Variants in BRD10 observed in about 807,000 individuals in gnomAD.
BRD10 encodes the protein uncharacterized bromodomain-containing protein 10.
At chr9:5,993,312 T>TA in the BRD10 span, among the ~76,000 whole-genome samples, 4,678 of 115,998 alleles carry the variant, frequency 0.04, 142 homozygotes, top group African/African-American at 0.058. Flanking sequence ...GAGACTCCAT[T>TA]AAAAAAAAAA....
the BRD10 span, chr9:5,968,257 T>G: frequency 1.2e-6 from 2 of 1,612,668 alleles, no homozygotes; most frequent in Non-Finnish European, 1.7e-6. Flanking sequence ...CCCTTACAAC[T>G]TTGTGGCAGT....
chr9:5,952,000 C>CTTACTTAT, the BRD10 span, among the ~76,000 whole-genome samples: 4 of 127,914 alleles, frequency 3.1e-5, no homozygotes, highest in Non-Finnish European at 5.2e-5. Context: ...CAGGAAGAGA[C>CTTACTTAT]TTATTTATTT....
chr9:5,891,293 T>C, the BRD10 span: 2 of 152,362 alleles, frequency 1.3e-5, no homozygotes, highest in East Asian at 3.9e-4. Flanking sequence ...GCCAAGGCTC[T>C]GAGTTTGAGG....
chr9:6,008,268 C>T, the BRD10 span: 1 of 983,842 alleles, frequency 1.0e-6, no homozygotes, highest in Non-Finnish European at 1.2e-6. Context: ...CACCCCCTCC[C>T]GCCCCCCTCT....
chr9:5,933,490 T>TCC, the BRD10 span, among the ~76,000 whole-genome samples: 2 of 152,216 alleles, frequency 1.3e-5, no homozygotes, highest in South Asian at 4.1e-4. Context: ...GATTGCCAGC[T>TCC]CCCTTTCCAT....
At chr9:6,007,803 G>C in the BRD10 span, 1 of 1,484,234 alleles carries the variant, frequency 6.7e-7, no homozygotes, top group Non-Finnish European at 8.9e-7. Flanking sequence ...GGCAGGCCTA[G>C]GCTGGGCGGT....
chr9:5,922,073 G>C, the BRD10 span: 2 of 1,614,020 alleles, frequency 1.2e-6, no homozygotes, highest in Non-Finnish European at 1.7e-6. Flanking sequence ...AACTGAACTT[G>C]AAGATACAGT....
the BRD10 span, chr9:5,922,752 A>C: frequency 7.4e-6 from 12 of 1,613,954 alleles, no homozygotes; most frequent in Non-Finnish European, 1.0e-5. Flanking sequence ...ATCTTTACAG[A>C]GCTATTTTGA....
the BRD10 span, among the ~76,000 whole-genome samples, chr9:5,951,209 T>C: frequency 6.6e-6 from 1 of 152,172 alleles, no homozygotes; most frequent in East Asian, 1.9e-4. Flanking sequence ...TAAACATGGA[T>C]TCTTTCTGAA....
At chr9:5,921,018 A>T in the BRD10 span, 1 of 1,613,934 alleles carries the variant, frequency 6.2e-7, no homozygotes, top group South Asian at 1.1e-5. Context: ...CCCAAAGATA[A>T]ATTTGCTCCG....
chr9:5,929,209 T>C, the BRD10 span: 3 of 944,010 alleles, frequency 3.2e-6, no homozygotes, highest in Non-Finnish European at 5.0e-6. Context: ...TAAAAGTAAA[T>C]GTCAAAACTT....
At chr9:5,937,635 G>C in the BRD10 span, among the ~76,000 whole-genome samples, 5 of 152,310 alleles carry the variant, frequency 3.3e-5, no homozygotes, top group African/African-American at 1.2e-4. Context: ...CTCTGTGCTG[G>C]GATAAATGGA....
chr9:5,988,449 C>T, the BRD10 span: 1 of 1,613,900 alleles, frequency 6.2e-7, no homozygotes, highest in Non-Finnish European at 8.5e-7. Context: ...GCGGTGTTGA[C>T]CGACGCCTTG....
the BRD10 span, among the ~76,000 whole-genome samples, chr9:5,932,232 A>C: frequency 1.3e-5 from 2 of 152,160 alleles, no homozygotes; most frequent in Non-Finnish European, 2.9e-5. Flanking sequence ...TTTCTGATTG[A>C]TCAACTTTAT....
chr9:5,936,054 T>G, the BRD10 span, among the ~76,000 whole-genome samples: 2 of 152,222 alleles, frequency 1.3e-5, no homozygotes, highest in Non-Finnish European at 2.9e-5. Flanking sequence ...TTCAATTGCT[T>G]TTTAAAAAAA....
At chr9:5,907,296 T>A in the BRD10 span, 1 of 193,084 alleles carries the variant, frequency 5.2e-6, no homozygotes, top group East Asian at 1.2e-4. Context: ...AAGAATTTAG[T>A]CCTGGATACA....
the BRD10 span, among the ~76,000 whole-genome samples, chr9:5,979,440 G>A: frequency 6.6e-6 from 1 of 152,044 alleles, no homozygotes; most frequent in Non-Finnish European, 1.5e-5. Context: ...TTGAGCCTGG[G>A]AGGTGGAGTC....
chr9:5,931,976 T>G, the BRD10 span, among the ~76,000 whole-genome samples: 1 of 152,180 alleles, frequency 6.6e-6, no homozygotes, highest in Admixed American at 6.5e-5. Flanking sequence ...ATCATCTGCT[T>G]TGGTCAAAAC....
At chr9:5,895,641 A>G in the BRD10 span, among the ~76,000 whole-genome samples, 1 of 152,236 alleles carries the variant, frequency 6.6e-6, no homozygotes, top group Non-Finnish European at 1.5e-5. Context: ...CAAGTCATCC[A>G]TGGAACTTGT....
Sources: gnomAD v4.1 joint callset for allele counts (sites outside exome capture counted in the v4.1 genomes callset) on GRCh38, gnomAD v4.1.1 for gene constraint, MANE v1.5 for transcripts, NCBI Gene and HGNC (gene_info 2026-07-23, HGNC 2026-07-21) for gene names.